C12orf71: variants seen among roughly 807,000 people sequenced by gnomAD.
C12orf71 encodes chromosome 12 open reading frame 71.
A neutral mutation model predicts 11.7 loss-of-function variants in C12orf71; 10 were observed. That is an observed-to-expected ratio of 0.86 (90% CI 0.53 to 1.45). The LOEUF (loss-of-function observed/expected upper bound fraction) is 1.45. Among genes scored for constraint, C12orf71 ranks in the 40% most tolerant of loss-of-function variants. The probability of loss-of-function intolerance (pLI) is 0.00; values close to 1 mark genes in which losing one functional copy is unlikely to be tolerated. For synonymous variants in C12orf71, 110 were observed against 123.4 expected (o/e 0.89, Z 0.72); for missense variants, 293 against 325.8 (o/e 0.90, Z 0.78).
In C12orf71 at chr12:27,081,136, G is replaced by A. The variant is rs1187536990; in HGVS notation, c.*38C>T. The A allele has an allele frequency of 4.1e-6, 6 of 1,470,552 alleles. No individual in the cohort carries two copies. Among genetic ancestry groups the A allele is most frequent in the Admixed American group, 2.0e-5 (1 of 49,612 alleles). The allele number at this position is 1,470,552 out of a possible 1,614,324, so 91.1% of individuals were successfully genotyped here. ...GGATTATTAATGGAATCCTTATTAT[G>A]GATTATTTTAAACTTTCCAAAAAGT... is the stretch of plus-strand genomic sequence containing the variant. On this transcript the variant is annotated 3_prime_UTR_variant, in exon 2 of 2. Coordinates refer to ENST00000429849, the MANE Select transcript of C12orf71 (RefSeq NM_001080406.2).
In C12orf71 at chr12:27,081,352, A is replaced by G; in HGVS notation, c.632T>C (p.Leu211Pro). The change falls in exon 2 of 2, where the codon CTG becomes CCG. Residue 211 changes from leucine (L) to proline (P), a missense_variant. Leu to Pro is a moderately conservative substitution (Grantham distance 98). Coordinates refer to ENST00000429849, the MANE Select transcript of C12orf71 (RefSeq NM_001080406.2). ...CCAGCTGAAGGCCCACCCAAAGTTC[A>G]GGCAGCACTGGGCCTGTGTGTGTGA... Reference protein sequence around the residue: ...TPSHTQAQCCLNFGWAFSWLR... With the variant: ...TPSHTQAQCCPNFGWAFSWLR... 1 of 1,614,034 alleles carries G rather than the reference A, an allele frequency of 6.2e-7. No homozygotes were observed.
chr12:27,081,248 G>A lies in C12orf71; in HGVS notation c.736C>T (p.Pro246Ser). 6.2e-7 allele frequency: 1 copy of A among 1,613,926 alleles called. No individual in the cohort carries two copies. The highest frequency in any genetic ancestry group is 8.5e-7 in the Non-Finnish European group (1 of 1,179,868). ...CCTCTGTGAAAGAGTCTTTTCGTTGGTGCTGACCGATGGGGACTTTTGGTG... is the reference window on the plus strand; with the variant it reads ...CCTCTGTGAAAGAGTCTTTTCGTTGATGCTGACCGATGGGGACTTTTGGTG... ...NATKSPHRSA[P>S]TKRLFHRGKR... is the part of the protein sequence containing the mutation. The change falls in exon 2 of 2, where the codon CCA becomes TCA. Residue 246 changes from proline to serine, a missense_variant. Pro to Ser is a moderately conservative substitution (Grantham distance 74). Coordinates refer to ENST00000429849, the MANE Select transcript of C12orf71 (RefSeq NM_001080406.2).
intron 1 of C12orf71, 117 bp from the exon 2 acceptor site, chr12:27,081,584 A>G: frequency 1.0e-6 from 1 of 998,662 alleles, no homozygotes; most frequent in Admixed American, 2.4e-5. Flanking sequence ...GTGTCAATGC[A>G]GAGTTTCAAT....
chr12:27,081,371 T>C lies in C12orf71; in HGVS notation c.613A>G (p.Thr205Ala). The change falls in exon 2 of 2, where the codon ACA becomes GCA. Residue 205 changes from threonine (T) to alanine (A), a missense_variant. Thr to Ala is a moderately conservative substitution (Grantham distance 58). Transcript: ENST00000429849. ...AAGTTCAGGCAGCACTGGGCCTGTG[T>C]GTGTGAAGGAGTGTCATCCTTCTCT... ...QPEKDDTPSHTQAQCCLNFGW... is the reference protein window; with the variant it reads ...QPEKDDTPSHAQAQCCLNFGW... 2 of 1,613,956 alleles carry C rather than the reference T, an allele frequency of 1.2e-6. No individual in the cohort carries two copies. Among genetic ancestry groups the C allele is most frequent in the Non-Finnish European group, 1.7e-6 (2 of 1,179,892 alleles).
In C12orf71 at chr12:27,081,919, G is replaced by T. The variant is rs555270232; in HGVS notation, c.516+49C>A. The T allele has an allele frequency of 1.0e-4, 157 of 1,530,572 alleles. No homozygotes were observed. The East Asian group carries it at 3.5e-3, about 34-fold the overall frequency. 94.8% of individuals were successfully genotyped at this position (1,530,572 alleles called of 1,614,324 possible). A position where few individuals can be genotyped will look rare whatever the true frequency, so the allele number is the denominator to read the frequency against. On this transcript the variant is annotated intron_variant, in intron 1 of 1. Transcript: ENST00000429849. Reference sequence around the variant, plus strand: ...TACATAACATCTTTATTTTCTGGTGGCTTGCACTTGGGCAGGTCTTGACAA... The same window carrying T: ...TACATAACATCTTTATTTTCTGGTGTCTTGCACTTGGGCAGGTCTTGACAA...
At chr12:27,083,503 A>G (rs975880832), upstream of C12orf71, among the ~76,000 whole-genome samples, 1 of 152,240 alleles carries the variant, frequency 6.6e-6, no homozygotes, top group African/African-American at 2.4e-5. Context: ...AAACATTTTG[A>G]TGGACTTCCT....
upstream of C12orf71, among the ~76,000 whole-genome samples, chr12:27,083,160 T>G (rs1280637638): frequency 6.6e-6 from 1 of 152,130 alleles, no homozygotes; most frequent in African/African-American, 2.4e-5. Flanking sequence ...CAGAAAGGTC[T>G]TGACCTGACC....
upstream of C12orf71, chr12:27,082,597 A>G (rs1196725068): frequency 4.1e-6 from 3 of 725,372 alleles, no homozygotes; most frequent in African/African-American, 3.7e-5. Flanking sequence ...AACATTATCC[A>G]TTCCCTTCTC....
Position 27,081,138 on chromosome 12 carries a change from ATTATT to A in C12orf71, c.*31_*35del. ...ATTATTAATGGAATCCTTATTATGGATTATTTTAAACTTTCCAAAAAGTTTAAAAA... is the reference window on the plus strand; with the variant it reads ...ATTATTAATGGAATCCTTATTATGGATTAAACTTTCCAAAAAGTTTAAAAA... On this transcript the variant is annotated 3_prime_UTR_variant, in exon 2 of 2. Coordinates refer to ENST00000429849, the MANE Select transcript of C12orf71 (RefSeq NM_001080406.2). The A allele has an allele frequency of 6.7e-7, 1 of 1,489,234 alleles. No individual in the cohort carries two copies. The highest frequency in any genetic ancestry group is 1.8e-4 in the Middle Eastern group (1 of 5,514). 92.3% of individuals were successfully genotyped at this position (1,489,234 alleles called of 1,614,324 possible).
At chr12:27,082,615 T>C (rs1941947387), upstream of C12orf71, 8 of 252,398 alleles carry the variant, frequency 3.2e-5, no homozygotes, top group South Asian at 1.6e-4. Context: ...CTCTTTTTTC[T>C]TTTTTTTTTT....
rs1789952565 is a variant in C12orf71, at chr12:27,081,414, TGAG to T, written c.567_569del (p.Ser190del). 1.2e-6 allele frequency: 2 copies of T among 1,613,990 alleles called. No individual in the cohort carries two copies. ...CCTTCTCTGGCTGCTCTGACAGGAT[TGAG>T]GAGATCTCTGGAGCGCTTGTCCTTT... On this transcript the variant is annotated inframe_deletion, in exon 2 of 2. Coordinates refer to ENST00000429849, the MANE Select transcript of C12orf71 (RefSeq NM_001080406.2).
upstream of C12orf71, among the ~76,000 whole-genome samples, chr12:27,083,941 C>T (rs1030413608): frequency 4.6e-5 from 7 of 152,176 alleles, no homozygotes; most frequent in South Asian, 2.1e-4. Context: ...AGAATGTGCA[C>T]GTGCATGCAC....
Position 27,082,304 on chromosome 12 carries a change from T to C in C12orf71, c.180A>G (p.Ala60=), listed in dbSNP as rs1233963055. The change falls in exon 1 of 2, where the codon GCA becomes GCG. Residue 60 remains alanine (A), a synonymous_variant. Transcript: ENST00000429849. The part of the protein sequence containing the change: ...SIHFLPPVQG[A]WGTERIGRRM... ...GTCTCCCTATCCTTTCAGTCCCCCA[T>C]GCCCCTTGGACGGGAGGCAGAAAGT... 2 of 1,603,978 alleles carry C rather than the reference T, an allele frequency of 1.2e-6. No individual in the cohort carries two copies. The highest frequency in any genetic ancestry group is 1.7e-4 in the Middle Eastern group (1 of 6,006).
At chr12:27,082,947 GT>G (rs111300701), upstream of C12orf71, among the ~76,000 whole-genome samples, 28 of 141,142 alleles carry the variant, frequency 2.0e-4, no homozygotes, top group East Asian at 4.0e-4. Context: ...GTTTGTTTTT[GT>G]TTTTTTTTTT....
chr12:27,083,563 C>T (rs1941954299), upstream of C12orf71, among the ~76,000 whole-genome samples: 1 of 152,262 alleles, frequency 6.6e-6, no homozygotes, highest in South Asian at 2.1e-4. Flanking sequence ...TACATTTATA[C>T]AATATGTCCA....
chr12:27,083,426 A>G (rs1349338407), upstream of C12orf71, among the ~76,000 whole-genome samples: 1 of 152,250 alleles, frequency 6.6e-6, no homozygotes, highest in African/African-American at 2.4e-5. Context: ...TTGGAAAAAT[A>G]TAGGAAAGTA....
Position 27,081,431 on chromosome 12 carries a change from C to T in C12orf71, c.553G>A (p.Ala185Thr), listed in dbSNP as rs77584722. Residue 185 changes from alanine to threonine, a missense_variant, in exon 2 of 2, where the codon GCT (alanine) becomes ACT (threonine). Ala to Thr is a moderately conservative substitution (Grantham distance 58, BLOSUM62 0). Coordinates refer to ENST00000429849, the MANE Select transcript of C12orf71 (RefSeq NM_001080406.2). ...GACAGGATTGAGGAGATCTCTGGAG[C>T]GCTTGTCCTTTGGCTGGCGGTTGCC... ...SQATASQRTS[A>T]PEISSILSEQ... is the part of the protein sequence containing the mutation. 319 of 1,612,454 alleles carry T rather than the reference C, an allele frequency of 2.0e-4. 1 individual carries two copies. In the African/African-American group the frequency reaches 3.2e-3, roughly 16 times the overall value.
chr12:27,081,926 C>T (rs1045116328), intron 1 of C12orf71, 42 bp downstream of exon 1: 9 of 1,551,540 alleles, frequency 5.8e-6, no homozygotes, highest in Non-Finnish European at 7.9e-6. Context: ...GTGGCTTGCA[C>T]TTGGGCAGGT....
chr12:27,083,648 CA>C (rs1445590299), upstream of C12orf71, among the ~76,000 whole-genome samples: 8 of 152,284 alleles, frequency 5.3e-5, no homozygotes, highest in Admixed American at 5.2e-4. Flanking sequence ...CCATAGCCTA[CA>C]ACAAACATAT....
Sources: gnomAD v4.1 joint callset for allele counts (sites outside exome capture counted in the v4.1 genomes callset) on GRCh38, gnomAD v4.1.1 for gene constraint, MANE v1.5 for transcripts, NCBI Gene and HGNC (gene_info 2026-07-23, HGNC 2026-07-21) for gene names.